ATF2: variants seen among roughly 807,000 people sequenced by gnomAD.
ATF2 encodes the protein cyclic AMP-dependent transcription factor ATF-2.
A neutral mutation model predicts 60.6 loss-of-function variants in ATF2; 24 were observed. The ratio of observed to expected loss-of-function variants is 0.40; its 90% confidence interval spans 0.29 to 0.56. ATF2 has a LOEUF of 0.56. Ranked by LOEUF, ATF2 falls within the 20% of genes least tolerant of loss-of-function variation. The probability of loss-of-function intolerance (pLI) is 0.54; values close to 1 mark genes in which losing one functional copy is unlikely to be tolerated. For missense variants in ATF2, 433 were observed against 607.7 expected, an observed-to-expected ratio of 0.71 and a Z score of 3.02; for synonymous variants, 206 against 215.4, an observed-to-expected ratio of 0.96 and a Z score of 0.38.
At chr2:175,085,583 CACACACACACACACAA>C (rs1694109751) in intron 12 of ATF2, among the ~76,000 whole-genome samples, 1 of 151,154 alleles carries the variant, frequency 6.6e-6, no homozygotes, top group Non-Finnish European at 1.5e-5. Context: ...CACACACACA[CACACACACACACACAA>C]ATTCTCTCTT....
chr2:175,088,739 T>A (rs1007304688), intron 12 of ATF2, among the ~76,000 whole-genome samples: 52 of 152,108 alleles, frequency 3.4e-4, no homozygotes, highest in African/African-American at 1.2e-3. Flanking sequence ...AGAAAAGGAA[T>A]CTGCTTTTTG....
intron 1 of ATF2, among the ~76,000 whole-genome samples, chr2:175,162,747 A>G (rs1700099871): frequency 6.6e-6 from 1 of 152,248 alleles, no homozygotes; most frequent in South Asian, 2.1e-4. Flanking sequence ...ATATATATGC[A>G]CAAACTAGAA....
At position 175,118,015 on chromosome 2, in the gene ATF2, G is replaced by A. The variant is rs758517668; in HGVS notation, c.422C>T (p.Pro141Leu). 1 of 1,610,470 alleles carries A rather than the reference G, an allele frequency of 6.2e-7. No individual in the cohort carries two copies. Among genetic ancestry groups the A allele is most frequent in the South Asian group, 1.1e-5 (1 of 90,504 alleles). Residue 141 changes from proline to leucine, a missense_variant, in exon 7 of 14, where the codon CCA (proline) becomes CTA (leucine). This residue lies in a region of ATF2 where 246 missense variants were observed against 309.3 expected (regional missense o/e 0.80). Transcript: ENST00000264110. Reference sequence around the variant, plus strand: ...CTTCTCATCACTGGTAGTAGACTCTGGGTGAGGTAAAGGACTATCCTGGTG... The same window carrying A: ...CTTCTCATCACTGGTAGTAGACTCTAGGTGAGGTAAAGGACTATCCTGGTG... ...TTHQDSPLPHPESTTSDEKEV... is the reference protein window; with the variant it reads ...TTHQDSPLPHLESTTSDEKEV...
intron 4 of ATF2, among the ~76,000 whole-genome samples, chr2:175,123,866 A>C (rs992483432): frequency 1.3e-5 from 2 of 152,064 alleles, no homozygotes; most frequent in Non-Finnish European, 2.9e-5. Context: ...TGCAAAAGAC[A>C]AAATACACTG....
chr2:175,082,039 C>T (rs146721608), intron 12 of ATF2, among the ~76,000 whole-genome samples: 1 of 152,134 alleles, frequency 6.6e-6, no homozygotes, highest in Non-Finnish European at 1.5e-5. Context: ...GCCTTGGTGA[C>T]AGAGTGAGAC....
At chr2:175,147,236 C>T (rs1440641003) in intron 2 of ATF2, among the ~76,000 whole-genome samples, 5 of 152,008 alleles carry the variant, frequency 3.3e-5, no homozygotes, top group Admixed American at 2.6e-4. Context: ...ATCAATATTC[C>T]CATGTCATTT....
chr2:175,166,500 G>C (rs966869870), intron 1 of ATF2, among the ~76,000 whole-genome samples: 5 of 152,116 alleles, frequency 3.3e-5, no homozygotes, highest in African/African-American at 1.2e-4. Context: ...TATTTTACAA[G>C]GATGTTCCTA....
chr2:175,165,006 A>C (rs905782990), intron 1 of ATF2, among the ~76,000 whole-genome samples: 1 of 151,998 alleles, frequency 6.6e-6, no homozygotes, highest in Non-Finnish European at 1.5e-5. Flanking sequence ...GCAGGCGCCT[A>C]CCAACGTGGT....
In ATF2 at chr2:175,155,140, C is replaced by G. The variant is rs534919451; in HGVS notation, c.-142-3982G>C. On this transcript the variant is annotated intron_variant, in intron 1 of 13. Coordinates refer to ENST00000264110, the MANE Select transcript of ATF2 (RefSeq NM_001880.4). ...GCAAGACAAGTTTTAAGAAAATCAGCTTCTGTATCTTCATCTTCCCTTTGT... is the reference window on the plus strand; with the variant it reads ...GCAAGACAAGTTTTAAGAAAATCAGGTTCTGTATCTTCATCTTCCCTTTGT... Among the ~76,000 whole-genome samples, 238 of 152,280 alleles carry G rather than the reference C, an allele frequency of 1.6e-3. 2 individuals carry two copies. Among genetic ancestry groups the G allele is most frequent in the African/African-American group, 5.4e-3 (225 of 41,574 alleles).
chr2:175,118,541 C>A (rs527479970), intron 5 of ATF2, among the ~76,000 whole-genome samples, 172 bp from the exon 6 acceptor site: 10 of 151,800 alleles, frequency 6.6e-5, no homozygotes, highest in Middle Eastern at 3.4e-3. Flanking sequence ...TGTTGTACTT[C>A]GTATTTCCTC....
chr2:175,157,352 T>C (rs184047190), intron 1 of ATF2, among the ~76,000 whole-genome samples: 28 of 152,184 alleles, frequency 1.8e-4, no homozygotes, highest in African/African-American at 5.8e-4. Flanking sequence ...ATGCAGTCTA[T>C]CTACACAGCC....
At chr2:175,160,519 C>T (rs1341888802) in intron 1 of ATF2, among the ~76,000 whole-genome samples, 2 of 152,144 alleles carry the variant, frequency 1.3e-5, no homozygotes, top group Non-Finnish European at 2.9e-5. Context: ...TATCCCTCGA[C>T]CCAACATCCA....
intron 4 of ATF2, among the ~76,000 whole-genome samples, chr2:175,122,389 T>G (rs1697025572): frequency 6.6e-6 from 1 of 151,962 alleles, no homozygotes; most frequent in South Asian, 2.1e-4. Flanking sequence ...GCAATAATTT[T>G]AAAATGCTAA....
At chr2:175,150,160 C>T (rs1257460873) in intron 2 of ATF2, among the ~76,000 whole-genome samples, 1 of 152,094 alleles carries the variant, frequency 6.6e-6, no homozygotes, top group Non-Finnish European at 1.5e-5. Context: ...TTTATACTTG[C>T]TTTAAAATTT....
chr2:175,074,987 T>A, intron 13 of ATF2, 152 bp from the exon 14 acceptor site: 1 of 1,506,438 alleles, frequency 6.6e-7, no homozygotes, highest in Non-Finnish European at 8.9e-7. Context: ...GGTCATGAAG[T>A]AGGCAATTTT....
chr2:175,083,732 C>T lies in ATF2; in HGVS notation c.1186-2967G>A, dbSNP rs185647351. 7.9e-5 allele frequency among the ~76,000 whole-genome samples: 12 copies of T among 152,102 alleles called. No homozygotes were observed. In the South Asian group the frequency reaches 8.3e-4, roughly 11 times the overall value. On this transcript the variant is annotated intron_variant, in intron 12 of 13. Coordinates refer to ENST00000264110, the MANE Select transcript of ATF2 (RefSeq NM_001880.4). Reference sequence around the variant, plus strand: ...AACCTACAAAATGGAAGAAAATTTTCGCAACCTACTTATCTGACAAAGGGC... The same window carrying T: ...AACCTACAAAATGGAAGAAAATTTTTGCAACCTACTTATCTGACAAAGGGC...
chr2:175,156,568 G>A (rs1217727212), intron 1 of ATF2, among the ~76,000 whole-genome samples: 1 of 151,970 alleles, frequency 6.6e-6, no homozygotes, highest in Non-Finnish European at 1.5e-5. Context: ...ATTACTGGAG[G>A]GGGCCACATG....
At position 175,072,882 on chromosome 2, in the gene ATF2, T is replaced by C. The variant is rs1357571835; in HGVS notation, c.*1727A>G. ...ATACTTAAAGTCCTGAAATGTCATT[T>C]ATATAATTTGAATGTTTCCCAGTTT... is the stretch of plus-strand genomic sequence containing the variant. On this transcript the variant is annotated 3_prime_UTR_variant, in exon 14 of 14. Coordinates refer to ENST00000264110, the MANE Select transcript of ATF2 (RefSeq NM_001880.4). 1 of 152,152 alleles carries C rather than the reference T, an allele frequency of 6.6e-6. No homozygotes were observed. The highest frequency in any genetic ancestry group is 1.5e-5 in the Non-Finnish European group (1 of 68,012). 9.4% of individuals were successfully genotyped at this position (152,152 alleles called of 1,614,324 possible).
rs752358963 is a variant in ATF2 at position 175,111,592 on chromosome 2, T to G, written c.804A>C (p.Gln268His). 2 of 1,613,636 alleles carry G rather than the reference T, an allele frequency of 1.2e-6. No homozygotes were observed. Among genetic ancestry groups the G allele is most frequent in the Non-Finnish European group, 8.5e-7 (1 of 1,179,816 alleles). Reference protein sequence around the residue: ...VPGIPGPSSPQPVQSEAKMRL... With the variant: ...VPGIPGPSSPHPVQSEAKMRL... ...CCATTTTTGCTTCTGACTGTACTGG[T>G]TGGGGAGAGGAAGGACCTGGGATTC... The change falls in exon 10 of 14, where the codon CAA becomes CAC. Residue 268 changes from glutamine (Q) to histidine (H), a missense_variant. By Grantham distance (24) the Gln-to-His change is conservative (BLOSUM62 0). This residue lies in a region of ATF2 where 246 missense variants were observed against 309.3 expected (regional missense o/e 0.80). Transcript: ENST00000264110.
Sources: allele counts gnomAD v4.1 joint callset (sites outside exome capture counted in the v4.1 genomes callset), GRCh38; gene constraint gnomAD v4.1.1; regional missense constraint gnomAD v4.1.1; transcripts MANE v1.5; gene names NCBI Gene and HGNC (gene_info 2026-07-23, HGNC 2026-07-21).